The following TOX2 variants were observed in gnomAD, a reference collection of about 807,000 sequenced individuals.
TOX2 encodes the protein TOX high mobility group box family member 2, also known as granulosa cell HMG box 1.
TOX2 carries 15 observed loss-of-function variants against 47.4 expected under a neutral mutation model. The ratio of observed to expected loss-of-function variants is 0.32; its 90% CI spans 0.21 to 0.49. TOX2 has a LOEUF of 0.49. Among genes scored for constraint, TOX2 ranks in the 20% least tolerant of loss-of-function variants. The probability of loss-of-function intolerance (pLI) is 0.99; values close to 1 mark genes in which losing one functional copy is unlikely to be tolerated. For missense variants in TOX2, 622 were observed against 673.1 expected (o/e 0.92, Z 0.84); for synonymous variants, 290 against 296.6 (o/e 0.98, Z 0.23).
intron 3 of TOX2, among the ~76,000 whole-genome samples, chr20:44,026,852 A>G (rs1481521036): frequency 6.6e-6 from 1 of 152,064 alleles, no homozygotes; most frequent in Non-Finnish European, 1.5e-5. Context: ...GAGGCCACTG[A>G]GCCCCATCCC....
At chr20:44,019,353 T>G (rs1408512091) in intron 3 of TOX2, among the ~76,000 whole-genome samples, 1 of 152,238 alleles carries the variant, frequency 6.6e-6, no homozygotes, top group Non-Finnish European at 1.5e-5. Flanking sequence ...TAGGAAGTGG[T>G]GAAGACAGGA....
intron 3 of TOX2, among the ~76,000 whole-genome samples, chr20:44,031,646 C>A (rs2179593): frequency 0.71 from 107,451 of 151,734 alleles, 38,315 homozygotes; most frequent in East Asian, 0.78. Context: ...GTGGGAGTTA[C>A]CCAAAAGCAC....
chr20:43,979,105 G>C (rs2070129123), intron 2 of TOX2, among the ~76,000 whole-genome samples: 1 of 152,140 alleles, frequency 6.6e-6, no homozygotes, highest in African/African-American at 2.4e-5. Flanking sequence ...GAAACCCTGG[G>C]GATTTGCAGG....
Position 43,945,788 on chromosome 20 carries a change from TCACC to T in TOX2, c.100-27578_100-27575del. On this transcript the variant is annotated intron_variant, in intron 1 of 8. Transcript: ENST00000341197. The stretch of plus-strand genomic sequence containing the variant: ...AGGTTAAATAACAGGTTTTTCCATT[TCACC>T]TTATACGAATGGGATGGGGGGTGGG... 3.6e-6 allele frequency: 5 copies of T among 1,374,546 alleles called. No homozygotes were observed. The Admixed American group carries it at 8.2e-5, about 23-fold the overall frequency. The allele number at this position is 1,374,546 out of a possible 1,614,324, so 85.1% of individuals were successfully genotyped here. A position where few individuals can be genotyped will look rare whatever the true frequency, so the allele number is the denominator to read the frequency against.
chr20:43,923,139 A>G (rs2069128800), intron 1 of TOX2, among the ~76,000 whole-genome samples: 1 of 152,036 alleles, frequency 6.6e-6, no homozygotes, highest in African/African-American at 2.4e-5. Flanking sequence ...TGTCAGCCTA[A>G]GGAGGGGAAA....
Position 44,069,184 on chromosome 20 carries a change from GT to G in TOX2, c.*499del, listed in dbSNP as rs759584850. 4.9e-4 allele frequency: 149 copies of G among 305,166 alleles called. No individual in the cohort carries two copies. The highest frequency in any genetic ancestry group is 7.5e-4 in the Non-Finnish European group (115 of 154,054). 18.9% of individuals were successfully genotyped at this position (305,166 alleles called of 1,614,324 possible). On this transcript the variant is annotated 3_prime_UTR_variant, in exon 9 of 9. Transcript: ENST00000341197. The stretch of plus-strand genomic sequence containing the variant: ...GTAGTTGACTACGTGTTTTAGAACT[GT>G]GCTGAAGACATCTGTAAGACTATTT...
At chr20:43,987,445 A>G (rs557182620) in intron 2 of TOX2, among the ~76,000 whole-genome samples, 1 of 152,328 alleles carries the variant, frequency 6.6e-6, no homozygotes, top group Admixed American at 6.5e-5. Context: ...AGTGCTGTTT[A>G]CACAAATCTG....
intron 1 of TOX2, among the ~76,000 whole-genome samples, chr20:43,972,652 A>G (rs1197413027): frequency 6.6e-6 from 1 of 152,232 alleles, no homozygotes; most frequent in African/African-American, 2.4e-5. Flanking sequence ...TGAGGCACCA[A>G]CTTGAGATCA....
At chr20:44,004,366 G>C (rs1022265018) in intron 2 of TOX2, among the ~76,000 whole-genome samples, 3 of 152,194 alleles carry the variant, frequency 2.0e-5, no homozygotes, top group African/African-American at 7.2e-5. Flanking sequence ...GGCAGGAAGA[G>C]AGGGGAGTTC....
intron 3 of TOX2, chr20:44,007,312 G>A (rs1282772949): frequency 6.3e-6 from 1 of 158,368 alleles, no homozygotes; most frequent in Non-Finnish European, 1.4e-5. Context: ...AGGATCGCTT[G>A]AGCCCAGGAG....
At chr20:43,946,874 C>T (rs991282485) in intron 1 of TOX2, among the ~76,000 whole-genome samples, 2 of 152,126 alleles carry the variant, frequency 1.3e-5, no homozygotes, top group East Asian at 1.9e-4. Flanking sequence ...CCAGGAGACC[C>T]GACCTCTTCT....
Position 44,069,176 on chromosome 20 carries a change from T to G in TOX2, c.*490T>G, listed in dbSNP as rs890080900. On this transcript the variant is annotated 3_prime_UTR_variant, in exon 9 of 9. Coordinates refer to ENST00000341197, the MANE Select transcript of TOX2 (RefSeq NM_001098797.2). ...CCGTGTAAGTAGTTGACTACGTGTT[T>G]TAGAACTGTGCTGAAGACATCTGTA... The G allele has an allele frequency of 2.6e-5, 9 of 340,810 alleles. No individual in the cohort carries two copies. Among genetic ancestry groups the G allele is most frequent in the Non-Finnish European group, 4.6e-5 (8 of 172,538 alleles). 21.1% of individuals were successfully genotyped at this position (340,810 alleles called of 1,614,324 possible).
chr20:44,053,689 A>T (rs2145762893), intron 4 of TOX2, among the ~76,000 whole-genome samples: 1 of 152,002 alleles, frequency 6.6e-6, no homozygotes, highest in South Asian at 2.1e-4. Context: ...GCCCCCAAAT[A>T]ACTGCACATT....
chr20:44,040,117 A>G (rs2071308641), intron 3 of TOX2, among the ~76,000 whole-genome samples: 1 of 152,194 alleles, frequency 6.6e-6, no homozygotes, highest in African/African-American at 2.4e-5. Context: ...GGGTCTCACC[A>G]CTTCTGTGTC....
intron 5 of TOX2, among the ~76,000 whole-genome samples, chr20:44,062,291 C>T (rs761081265): frequency 6.6e-6 from 1 of 151,812 alleles, no homozygotes; most frequent in East Asian, 1.9e-4. Flanking sequence ...TTAATGTACA[C>T]AAATCAATAG....
At chr20:43,964,191 C>G (rs2069810075) in intron 1 of TOX2, among the ~76,000 whole-genome samples, 1 of 151,946 alleles carries the variant, frequency 6.6e-6, no homozygotes, top group African/African-American at 2.4e-5. Flanking sequence ...ACTGTGCCAT[C>G]ATGTTTCTCC....
chr20:43,944,943 G>C (rs1001980223), intron 1 of TOX2, among the ~76,000 whole-genome samples: 3 of 152,140 alleles, frequency 2.0e-5, no homozygotes, highest in Non-Finnish European at 2.9e-5. Flanking sequence ...TGGAGCCCTA[G>C]TTTAACTGCA....
At position 43,914,884 on chromosome 20, in the gene TOX2, C is replaced by T; in HGVS notation, c.-8C>T. The T allele has an allele frequency of 9.8e-7, 1 of 1,022,062 alleles. No homozygotes were observed. 63.3% of individuals were successfully genotyped at this position (1,022,062 alleles called of 1,614,324 possible). ...GCGGGAGCCGCCGCCGCCGCCGCCG[C>T]GCCCGCCATGGACGTCCGCCTGTAC... On this transcript the variant is annotated 5_prime_UTR_variant, in exon 1 of 9. Coordinates refer to ENST00000341197, the MANE Select transcript of TOX2 (RefSeq NM_001098797.2). The surrounding 1 kb of genome is among the most constrained non-coding windows in gnomAD (Gnocchi z 4.5).
intron 3 of TOX2, among the ~76,000 whole-genome samples, chr20:44,042,242 A>C (rs554606150): frequency 2.2e-4 from 33 of 152,306 alleles, no homozygotes; most frequent in African/African-American, 6.7e-4. Context: ...TCACTATCAC[A>C]AGAACAGCAC....
Sources: allele counts gnomAD v4.1 joint callset (sites outside exome capture counted in the v4.1 genomes callset), GRCh38; gene constraint gnomAD v4.1.1; non-coding constraint Gnocchi (gnomAD v3.1); transcripts MANE v1.5; gene names NCBI Gene and HGNC (gene_info 2026-07-23, HGNC 2026-07-21).